SCAPER: variants seen among roughly 807,000 people sequenced by gnomAD.
The protein encoded by SCAPER is S phase cyclin A-associated protein in the endoplasmic reticulum.
A neutral mutation model predicts 182.2 loss-of-function variants in SCAPER; 98 were observed. That is an observed-to-expected ratio of 0.54 (90% confidence interval 0.46 to 0.64). The LOEUF (loss-of-function observed/expected upper bound fraction) is 0.64. SCAPER is among the 30% of genes least tolerant of loss of function. SCAPER has a pLI of 0.00. For synonymous variants in SCAPER, 605 were observed against 564.6 expected (o/e 1.07, Z -1.01); for missense variants, 1,432 against 1,690.0 (o/e 0.85, Z 2.68).
intron 23 of SCAPER, among the ~76,000 whole-genome samples, chr15:76,527,280 A>G (rs1474635520): frequency 1.3e-5 from 2 of 152,068 alleles, no homozygotes; most frequent in Non-Finnish European, 2.9e-5. Context: ...TGATTTATGC[A>G]TGTTTGTAGT....
intron 28 of SCAPER, among the ~76,000 whole-genome samples, chr15:76,378,930 C>G (rs1386790829): frequency 6.6e-6 from 1 of 152,144 alleles, no homozygotes; most frequent in African/African-American, 2.4e-5. Flanking sequence ...TAAAGAGCCT[C>G]CAGATGACTT....
chr15:76,430,809 T>C (rs2046810693), intron 26 of SCAPER, among the ~76,000 whole-genome samples: 1 of 151,992 alleles, frequency 6.6e-6, no homozygotes, highest in African/African-American at 2.4e-5. Flanking sequence ...GAAGGCATGA[T>C]TGGTTTTGAA....
At chr15:76,624,085 A>G (rs1191691860) in intron 21 of SCAPER, among the ~76,000 whole-genome samples, 1 of 152,192 alleles carries the variant, frequency 6.6e-6, no homozygotes, top group East Asian at 1.9e-4. Context: ...AGGCATTCAA[A>G]CAGGAAAATA....
intron 2 of SCAPER, among the ~76,000 whole-genome samples, chr15:76,875,792 G>A (rs571136321): frequency 1.6e-4 from 25 of 152,308 alleles, no homozygotes; most frequent in African/African-American, 5.3e-4. Context: ...AGAACTTTGC[G>A]GTGAATGTCA....
intron 24 of SCAPER, among the ~76,000 whole-genome samples, chr15:76,474,562 A>G (rs1596860901): frequency 6.6e-6 from 1 of 152,136 alleles, no homozygotes; most frequent in African/African-American, 2.4e-5. Flanking sequence ...AATAGCATCC[A>G]TTTTTTCACC....
In SCAPER at chr15:76,755,309, A is replaced by G. The variant is rs1020646911; in HGVS notation, c.1726-1361T>C. On this transcript the variant is annotated intron_variant, in intron 14 of 31. Coordinates refer to ENST00000563290, the MANE Select transcript of SCAPER (RefSeq NM_020843.4). ...ATTCTTGAGATTCAAGTAAAAAGAAAAATCAAAGAATTTTCTTACAGTCCT... is the reference window on the plus strand; with the variant it reads ...ATTCTTGAGATTCAAGTAAAAAGAAGAATCAAAGAATTTTCTTACAGTCCT... Among the ~76,000 whole-genome samples, 22 of 152,186 alleles carry G rather than the reference A, an allele frequency of 1.4e-4. 1 individual carries two copies. Among genetic ancestry groups the G allele is most frequent in the Non-Finnish European group, 2.9e-5 (2 of 68,030 alleles).
At position 76,819,606 on chromosome 15, in the gene SCAPER, CA is replaced by C. The variant is rs528332335; in HGVS notation, c.394-14974del. Among the ~76,000 whole-genome samples, 494 of 152,214 alleles carry C rather than the reference CA, an allele frequency of 3.2e-3. 2 individuals carry two copies. Among genetic ancestry groups the C allele is most frequent in the African/African-American group, 0.011 (469 of 41,508 alleles). On this transcript the variant is annotated intron_variant, in intron 5 of 31. Transcript: ENST00000563290. ...TCTGTACGTCATCATCATCAAAGAC[CA>C]AAGGTAGATAAACCACAAAGATAGG...
chr15:76,760,442 T>C (rs947875904), intron 14 of SCAPER, among the ~76,000 whole-genome samples: 1 of 152,220 alleles, frequency 6.6e-6, no homozygotes, highest in African/African-American at 2.4e-5. Flanking sequence ...GAAACTTACA[T>C]GCCCTCTCCA....
At chr15:76,579,137 G>A (rs1431728780) in intron 22 of SCAPER, among the ~76,000 whole-genome samples, 1 of 151,688 alleles carries the variant, frequency 6.6e-6, no homozygotes, top group Non-Finnish European at 1.5e-5. Flanking sequence ...ATGGTGGCGG[G>A]TGCCTGTAAT....
intron 8 of SCAPER, among the ~76,000 whole-genome samples, chr15:76,780,318 C>A (rs767379154): frequency 2.6e-5 from 4 of 152,230 alleles, no homozygotes; most frequent in African/African-American, 9.6e-5. Flanking sequence ...TACAGTCGGG[C>A]AGGGGGAGGG....
chr15:76,728,859 A>T, intron 16 of SCAPER, 122 bp from the exon 17 acceptor site: 1 of 996,796 alleles, frequency 1.0e-6, no homozygotes, highest in Non-Finnish European at 1.4e-6. Context: ...GCTTGCCACT[A>T]GGTACTCTGC....
intron 2 of SCAPER, among the ~76,000 whole-genome samples, chr15:76,869,823 C>G (rs984692153): frequency 6.6e-6 from 1 of 152,126 alleles, no homozygotes; most frequent in Non-Finnish European, 1.5e-5. Flanking sequence ...TATTACATCA[C>G]TATTCACATA....
chr15:76,425,848 T>G (rs1166520522), intron 26 of SCAPER, among the ~76,000 whole-genome samples: 5 of 152,252 alleles, frequency 3.3e-5, no homozygotes, highest in Non-Finnish European at 7.3e-5. Flanking sequence ...GACCCTCAGC[T>G]GCAGGTCTGT....
chr15:76,837,042 G>T (rs1277508394), intron 5 of SCAPER, among the ~76,000 whole-genome samples: 9 of 151,774 alleles, frequency 5.9e-5, no homozygotes, highest in Non-Finnish European at 5.9e-5. Flanking sequence ...TAGACAAGTG[G>T]GACATAATTA....
intron 26 of SCAPER, among the ~76,000 whole-genome samples, chr15:76,421,173 C>G (rs1360407668): frequency 1.3e-5 from 2 of 152,198 alleles, no homozygotes; most frequent in African/African-American, 2.4e-5. Context: ...ATTTCTAGTT[C>G]TAGATCCTTG....
chr15:76,763,068 C>T (rs1163165843), intron 14 of SCAPER, among the ~76,000 whole-genome samples: 1 of 152,198 alleles, frequency 6.6e-6, no homozygotes, highest in Non-Finnish European at 1.5e-5. Context: ...TACTTTCCTT[C>T]ATACGCTTTT....
chr15:76,902,787 T>G (rs1258412723), intron 1 of SCAPER, among the ~76,000 whole-genome samples: 1 of 152,216 alleles, frequency 6.6e-6, no homozygotes, highest in Admixed American at 6.5e-5. Context: ...CCAGGTGCAG[T>G]GGCGCACGCC....
intron 25 of SCAPER, among the ~76,000 whole-genome samples, chr15:76,448,470 T>A (rs1309565361): frequency 2.0e-5 from 3 of 152,064 alleles, no homozygotes; most frequent in Non-Finnish European, 4.4e-5. Flanking sequence ...TGAGGGAGTA[T>A]ATGCCCAGTT....
intron 22 of SCAPER, among the ~76,000 whole-genome samples, chr15:76,605,582 A>C (rs1256357553): frequency 2.6e-5 from 4 of 152,200 alleles, no homozygotes; most frequent in Non-Finnish European, 4.4e-5. Flanking sequence ...TGATTGCAGT[A>C]GTTTCAGAAG....
Sources: gnomAD v4.1 joint callset for allele counts (sites outside exome capture counted in the v4.1 genomes callset) on GRCh38, gnomAD v4.1.1 for gene constraint, MANE v1.5 for transcripts, NCBI Gene and HGNC (gene_info 2026-07-23, HGNC 2026-07-21) for gene names.